The following VAT1L variants were observed in gnomAD, a reference collection of about 807,000 sequenced individuals.
The protein encoded by VAT1L is vesicle amine transport 1 like, also known as putative NADPH-dependent quinone oxidoreductase VAT1L.
VAT1L carries 34 observed loss-of-function variants against 44.1 expected under a neutral mutation model. That is an observed-to-expected ratio of 0.77 (90% confidence interval 0.59 to 1.03). The LOEUF (loss-of-function observed/expected upper bound fraction) is 1.03, where lower values mean the gene tolerates loss of function less well. Among genes scored for constraint, VAT1L ranks in the 50% least tolerant of loss-of-function variants. The pLI, the probability that VAT1L is intolerant of heterozygous loss-of-function variation, is 0.00. For synonymous variants in VAT1L, 253 were observed against 202.2 expected (o/e 1.25, Z -2.13); for missense variants, 615 against 538.8 (o/e 1.14, Z -1.40).
intron 7 of VAT1L, among the ~76,000 whole-genome samples, chr16:77,887,813 C>G (rs2017224666): frequency 1.3e-5 from 2 of 152,172 alleles, no homozygotes; most frequent in Admixed American, 6.5e-5. Flanking sequence ...TGGGTGGACT[C>G]AAGCAATACC....
intron 3 of VAT1L, among the ~76,000 whole-genome samples, chr16:77,836,149 T>C (rs567339742): frequency 9.9e-5 from 15 of 152,196 alleles, no homozygotes; most frequent in Non-Finnish European, 1.6e-4. Context: ...TTCAGTGTTA[T>C]TTTCTAGGCT....
At chr16:77,885,918 C>T (rs779441296) in intron 7 of VAT1L, among the ~76,000 whole-genome samples, 1 of 152,062 alleles carries the variant, frequency 6.6e-6, no homozygotes, top group Non-Finnish European at 1.5e-5. Flanking sequence ...CAGGAATGTG[C>T]CTATATCTCT....
intron 7 of VAT1L, among the ~76,000 whole-genome samples, chr16:77,968,786 G>C (rs1223819782): frequency 6.6e-6 from 1 of 152,018 alleles, no homozygotes; most frequent in African/African-American, 2.4e-5. Context: ...TTGTGATAAA[G>C]GATTAATTTT....
At chr16:77,939,389 G>C (rs991918197) in intron 7 of VAT1L, among the ~76,000 whole-genome samples, 1 of 152,224 alleles carries the variant, frequency 6.6e-6, no homozygotes, top group Non-Finnish European at 1.5e-5. Context: ...GGGGGCCGGA[G>C]GCGGGCGGGG....
intron 3 of VAT1L, among the ~76,000 whole-genome samples, chr16:77,852,845 G>T (rs8048673): frequency 0.5 from 75,613 of 151,978 alleles, 19,153 homozygotes; most frequent in East Asian, 0.67. Context: ...CTGTGTGACT[G>T]TAGGCTGTTA....
At chr16:77,835,103 T>G (rs1300372795) in intron 3 of VAT1L, among the ~76,000 whole-genome samples, 1 of 152,180 alleles carries the variant, frequency 6.6e-6, no homozygotes, top group East Asian at 1.9e-4. Flanking sequence ...AACTGGTTCT[T>G]TTTCTTTTTG....
At chr16:77,976,009 G>A (rs957868968) in intron 8 of VAT1L, among the ~76,000 whole-genome samples, 1 of 152,364 alleles carries the variant, frequency 6.6e-6, no homozygotes, top group East Asian at 1.9e-4. Flanking sequence ...GAGCCATAGA[G>A]AAGATTAAAA....
intron 1 of VAT1L, among the ~76,000 whole-genome samples, chr16:77,808,867 G>A (rs570662581): frequency 1.2e-3 from 190 of 152,280 alleles, no homozygotes; most frequent in African/African-American, 4.4e-3. Context: ...AAAGTGCTGC[G>A]ATTATAGGCG....
Position 77,977,601 on chromosome 16 carries a change from C to G in VAT1L, c.1166C>G (p.Ala389Gly), listed in dbSNP as rs373317393. The G allele has an allele frequency of 2.4e-5, 39 of 1,613,746 alleles. No homozygotes were observed. Among genetic ancestry groups the G allele is most frequent in the Admixed American group, 1.0e-4 (6 of 59,974 alleles). Residue 389 changes from alanine (A) to glycine (G), a missense_variant, in exon 9 of 9, where the codon GCC (alanine) becomes GGC (glycine). Ala to Gly is a moderately conservative substitution (Grantham distance 60). Transcript: ENST00000302536. The stretch of plus-strand genomic sequence containing the variant: ...ACATCCTCTTTTGAATTACAGATGG[C>G]CAATGACAGCACAGAGACCAGTGAA... Reference protein sequence around the residue: ...DVEKTPTPLMANDSTETSEAG... With the variant: ...DVEKTPTPLMGNDSTETSEAG...
intron 7 of VAT1L, among the ~76,000 whole-genome samples, chr16:77,885,485 GTCAGT>G (rs1367686836): frequency 1.3e-5 from 2 of 152,180 alleles, no homozygotes; most frequent in East Asian, 3.9e-4. Context: ...CATTTGGGGA[GTCAGT>G]TAATGGCAGC....
intron 7 of VAT1L, among the ~76,000 whole-genome samples, chr16:77,969,868 C>T (rs577202241): frequency 7.9e-5 from 12 of 152,000 alleles, no homozygotes; most frequent in African/African-American, 2.9e-4. Context: ...AAGGAATCTA[C>T]TGAATTATGT....
At chr16:77,900,256 A>C (rs763905333) in intron 7 of VAT1L, among the ~76,000 whole-genome samples, 1 of 152,096 alleles carries the variant, frequency 6.6e-6, no homozygotes, top group Admixed American at 6.5e-5. Flanking sequence ...AGATCATATG[A>C]GTATTTGTGT....
rs1259530902 is a variant in VAT1L at position 77,978,313 on chromosome 16, AT to A, written c.*619del. The A allele has an allele frequency of 1.3e-5, 2 of 152,456 alleles. No homozygotes were observed. The highest frequency in any genetic ancestry group is 2.9e-5 in the Non-Finnish European group (2 of 68,250). 9.4% of individuals were successfully genotyped at this position (152,456 alleles called of 1,614,324 possible). ...GTGTCTGACCCTTTCACTGGCTCTT[AT>A]CTGTAAACACAGGGAGGCAGGTATG... On this transcript the variant is annotated 3_prime_UTR_variant, in exon 9 of 9. Coordinates refer to ENST00000302536, the MANE Select transcript of VAT1L (RefSeq NM_020927.3).
intron 1 of VAT1L, among the ~76,000 whole-genome samples, chr16:77,809,288 A>G (rs950629859): frequency 6.6e-6 from 1 of 152,212 alleles, no homozygotes; most frequent in Non-Finnish European, 1.5e-5. Context: ...AAAGCGCCCC[A>G]TAAAAGTTAC....
At chr16:77,929,970 C>T (rs2142501274) in intron 7 of VAT1L, among the ~76,000 whole-genome samples, 1 of 152,258 alleles carries the variant, frequency 6.6e-6, no homozygotes, top group African/African-American at 2.4e-5. Flanking sequence ...CTGTCCTCTT[C>T]AACATGATAT....
At chr16:77,893,667 T>A (rs1392697572) in intron 7 of VAT1L, among the ~76,000 whole-genome samples, 1 of 152,236 alleles carries the variant, frequency 6.6e-6, no homozygotes, top group Non-Finnish European at 1.5e-5. Flanking sequence ...CTTTATGTAT[T>A]AACTGATCTA....
At chr16:77,920,927 C>CTGTGTG (rs10553687) in intron 7 of VAT1L, among the ~76,000 whole-genome samples, 72 of 150,786 alleles carry the variant, frequency 4.8e-4, no homozygotes, top group East Asian at 3.1e-3. Context: ...TGTCATATGA[C>CTGTGTG]TGTGTGTGTG....
intron 7 of VAT1L, among the ~76,000 whole-genome samples, chr16:77,935,913 C>G (rs764988176): frequency 5.3e-5 from 8 of 152,114 alleles, no homozygotes; most frequent in Non-Finnish European, 2.9e-5. Flanking sequence ...CTGAAGTACC[C>G]GGCATTGTCT....
intron 3 of VAT1L, among the ~76,000 whole-genome samples, chr16:77,833,013 GC>G (rs1353912996): frequency 6.6e-6 from 1 of 152,144 alleles, no homozygotes; most frequent in Non-Finnish European, 1.5e-5. Flanking sequence ...ACCCTAAAAG[GC>G]ACCAGTATCT....
Sources: gnomAD v4.1 joint callset for allele counts (sites outside exome capture counted in the v4.1 genomes callset) on GRCh38, gnomAD v4.1.1 for gene constraint, MANE v1.5 for transcripts, NCBI Gene and HGNC (gene_info 2026-07-23, HGNC 2026-07-21) for gene names.